ELK3: variants seen among roughly 807,000 people sequenced by gnomAD.
The protein encoded by ELK3 is ETS transcription factor ELK3, also known as ETS domain-containing protein Elk-3.
ELK3 carries 10 observed loss-of-function variants against 28.9 expected under a neutral mutation model. That is an observed-to-expected ratio of 0.35 (90% CI 0.21 to 0.59). The LOEUF (loss-of-function observed/expected upper bound fraction) is 0.59. ELK3 is among the 20% of genes least tolerant of loss of function. The pLI, the probability that ELK3 is intolerant of heterozygous loss-of-function variation, is 0.82. For missense variants in ELK3, 463 were observed against 517.3 expected, an observed-to-expected ratio of 0.90 and a Z score of 1.02; for synonymous variants, 272 against 243.5, an observed-to-expected ratio of 1.12 and a Z score of -1.09.
intron 4 of ELK3, among the ~76,000 whole-genome samples, chr12:96,261,417 G>C (rs151093003): frequency 6.6e-6 from 1 of 152,278 alleles, no homozygotes; most frequent in African/African-American, 2.4e-5. Context: ...GTTGTATTAG[G>C]AAAGTTTAAA....
At chr12:96,202,348 T>G (rs1005325341) in intron 1 of ELK3, among the ~76,000 whole-genome samples, 3 of 152,174 alleles carry the variant, frequency 2.0e-5, no homozygotes, top group African/African-American at 7.2e-5. Flanking sequence ...TTGTCAATAC[T>G]GACAGAATTT....
At chr12:96,228,292 C>T (rs1183872709) in intron 2 of ELK3, among the ~76,000 whole-genome samples, 1 of 151,774 alleles carries the variant, frequency 6.6e-6, no homozygotes, top group Admixed American at 6.6e-5. Context: ...GTGGTGCACA[C>T]CTGTGGTCCC....
At chr12:96,263,704 CA>C (rs756821458) in intron 4 of ELK3, among the ~76,000 whole-genome samples, 20 of 152,216 alleles carry the variant, frequency 1.3e-4, no homozygotes, top group Admixed American at 2.0e-4. Flanking sequence ...GAGGAAGGGA[CA>C]GGATTTCGAT....
chr12:96,210,354 G>A (rs1951567438), intron 1 of ELK3, among the ~76,000 whole-genome samples: 1 of 152,114 alleles, frequency 6.6e-6, no homozygotes, highest in South Asian at 2.1e-4. Context: ...AAGTTTTGGA[G>A]GCACTGCTGG....
In ELK3 at chr12:96,223,786, C is replaced by T. The variant is rs766983348; in HGVS notation, c.207+13C>T. The T allele has an allele frequency of 1.4e-5, 23 of 1,613,338 alleles. No individual in the cohort carries two copies. In the East Asian group the frequency reaches 4.7e-4, roughly 33 times the overall value. ...CTATTATGACAAGGTAAACCCTTGACCTTGCATGGGGCCGTCTTGGGGAGG... is the reference window on the plus strand; with the variant it reads ...CTATTATGACAAGGTAAACCCTTGATCTTGCATGGGGCCGTCTTGGGGAGG... On this transcript the variant is annotated intron_variant, in intron 2 of 4. Coordinates refer to ENST00000228741, the MANE Select transcript of ELK3 (RefSeq NM_005230.4).
In ELK3 at chr12:96,267,248, C is replaced by T; in HGVS notation, c.*68C>T. 1 of 1,380,734 alleles carries T rather than the reference C, an allele frequency of 7.2e-7. No individual in the cohort carries two copies. The allele number at this position is 1,380,734 out of a possible 1,614,324, so 85.5% of individuals were successfully genotyped here. A position where few individuals can be genotyped will look rare whatever the true frequency, so the allele number is the denominator to read the frequency against. On this transcript the variant is annotated 3_prime_UTR_variant, in exon 5 of 5. Transcript: ENST00000228741. ...AATTTGTCCCCACGGGCTAGTTTACCTGTGTCGTGAGAAGGACATTGTGAA... is the reference window on the plus strand; with the variant it reads ...AATTTGTCCCCACGGGCTAGTTTACTTGTGTCGTGAGAAGGACATTGTGAA...
chr12:96,209,918 T>C (rs1951565079), intron 1 of ELK3, among the ~76,000 whole-genome samples: 1 of 147,690 alleles, frequency 6.8e-6, no homozygotes, highest in Non-Finnish European at 1.5e-5. Flanking sequence ...TTTTTCTCCT[T>C]TTTTTTTTTT....
rs368322347 is a variant in ELK3 at position 96,248,766 on chromosome 12, G to A, written c.1002+1032G>A. Reference sequence around the variant, plus strand: ...CGGCAGCATATGACGGGCTCCCCACGTGTGCCAGGCACTGCTCCAGATGCT... The same window carrying A: ...CGGCAGCATATGACGGGCTCCCCACATGTGCCAGGCACTGCTCCAGATGCT... On this transcript the variant is annotated intron_variant, in intron 3 of 4. Coordinates refer to ENST00000228741, the MANE Select transcript of ELK3 (RefSeq NM_005230.4). Among the ~76,000 whole-genome samples, 11 of 152,304 alleles carry A rather than the reference G, an allele frequency of 7.2e-5. No individual in the cohort carries two copies. The East Asian group carries it at 1.9e-3, about 27-fold the overall frequency.
rs1243879347 is a variant in ELK3, at chr12:96,247,778, G to A, written c.1002+44G>A. The A allele has an allele frequency of 5.5e-6, 8 of 1,467,014 alleles. No homozygotes were observed. Among genetic ancestry groups the A allele is most frequent in the Non-Finnish European group, 7.2e-6 (8 of 1,112,782 alleles). The allele number at this position is 1,467,014 out of a possible 1,614,324, so 90.9% of individuals were successfully genotyped here. A position where few individuals can be genotyped will look rare whatever the true frequency, so the allele number is the denominator to read the frequency against. ...ATCTAAGCCACAGCCAGCTTCAGTG[G>A]CTTAGCAAAAAAGGAAGAGCAACTA... On this transcript the variant is annotated intron_variant, in intron 3 of 4. Coordinates refer to ENST00000228741, the MANE Select transcript of ELK3 (RefSeq NM_005230.4). This position sits in a 1 kb window ranked among gnomAD's most constrained non-coding sequence, Gnocchi z 5.5.
At chr12:96,243,208 T>C (rs1951833274) in intron 2 of ELK3, among the ~76,000 whole-genome samples, 1 of 152,230 alleles carries the variant, frequency 6.6e-6, no homozygotes, top group African/African-American at 2.4e-5. Context: ...ATTTACCATA[T>C]ACAGTTCAGT....
At chr12:96,240,710 G>T (rs972777102) in intron 2 of ELK3, among the ~76,000 whole-genome samples, 1 of 152,218 alleles carries the variant, frequency 6.6e-6, no homozygotes, top group Admixed American at 6.5e-5. Context: ...TTGAGAACGA[G>T]GTAGGAGAGT....
chr12:96,220,752 A>T (rs901595220), intron 1 of ELK3, among the ~76,000 whole-genome samples: 1 of 152,074 alleles, frequency 6.6e-6, no homozygotes, highest in Admixed American at 6.6e-5. Flanking sequence ...CAGCAAAGGG[A>T]GAATTTTTTT....
intron 3 of ELK3, among the ~76,000 whole-genome samples, chr12:96,248,017 C>T (rs1387074225): frequency 1.3e-5 from 2 of 152,290 alleles, no homozygotes; most frequent in East Asian, 3.9e-4. Flanking sequence ...GCCGACAAAG[C>T]AGATCTCACC....
chr12:96,265,864 CAGAAA>C (rs1184324781), intron 4 of ELK3, among the ~76,000 whole-genome samples: 3 of 152,038 alleles, frequency 2.0e-5, no homozygotes, highest in African/African-American at 7.2e-5. Context: ...TCTAAAGTTC[CAGAAA>C]AGAAACAAAA....
chr12:96,250,835 G>C (rs996482409), intron 3 of ELK3, among the ~76,000 whole-genome samples: 1 of 152,146 alleles, frequency 6.6e-6, no homozygotes, highest in African/African-American at 2.4e-5. Flanking sequence ...AGCTGTGTGT[G>C]CTGTAATAAC....
chr12:96,206,885 A>G (rs945364016), intron 1 of ELK3, among the ~76,000 whole-genome samples: 16 of 152,214 alleles, frequency 1.1e-4, no homozygotes, highest in African/African-American at 3.9e-4. Context: ...TTCTCTGGAC[A>G]TGAATGAATG....
intron 2 of ELK3, among the ~76,000 whole-genome samples, chr12:96,224,508 A>G (rs1386465262): frequency 1.3e-5 from 2 of 152,242 alleles, no homozygotes; most frequent in East Asian, 1.9e-4. Context: ...ACTTCATGGG[A>G]AACTTCCCTA....
In ELK3 at chr12:96,251,795, G is replaced by A. The variant is rs559686552; in HGVS notation, c.1002+4061G>A. On this transcript the variant is annotated intron_variant, in intron 3 of 4. Coordinates refer to ENST00000228741, the MANE Select transcript of ELK3 (RefSeq NM_005230.4). ...AGAAGCTGCAGAAGAAAAGTGTGAA[G>A]CTAGCAGAGGTTGGTTCATGAGGTT... 4.6e-5 allele frequency among the ~76,000 whole-genome samples: 7 copies of A among 152,338 alleles called. No individual in the cohort carries two copies. The South Asian group carries it at 1.2e-3, about 27-fold the overall frequency.
intron 3 of ELK3, among the ~76,000 whole-genome samples, chr12:96,258,687 T>C (rs1951970199): frequency 6.6e-6 from 1 of 152,190 alleles, no homozygotes; most frequent in Non-Finnish European, 1.5e-5. Flanking sequence ...CCATGCAGAC[T>C]TAGCAGCTGG....
Sources: allele counts gnomAD v4.1 joint callset (sites outside exome capture counted in the v4.1 genomes callset), GRCh38; gene constraint gnomAD v4.1.1; non-coding constraint Gnocchi (gnomAD v3.1); transcripts MANE v1.5; gene names NCBI Gene and HGNC (gene_info 2026-07-23, HGNC 2026-07-21).